The following LOXL2 variants were observed in gnomAD, a reference collection of about 807,000 sequenced individuals.
LOXL2 encodes the protein lysyl oxidase homolog 2.
LOXL2 carries 70 observed loss-of-function variants against 93.0 expected under a neutral mutation model. The observed-to-expected ratio is 0.75, with a 90% confidence interval of 0.62 to 0.92. The LOEUF (loss-of-function observed/expected upper bound fraction) is 0.92, where lower values mean the gene tolerates loss of function less well. Among genes scored for constraint, LOXL2 ranks in the 40% least tolerant of loss-of-function variants. LOXL2 has a pLI of 0.00. For synonymous variants in LOXL2, 438 were observed against 413.2 expected (o/e 1.06, Z -0.73); for missense variants, 973 against 1,054.9 (o/e 0.92, Z 1.08).
In LOXL2 at chr8:23,368,156, T is replaced by G; in HGVS notation, c.196A>C (p.Lys66Gln). ...ACCTCCACCCGGCCCTCGCTGTGCT[T>G]CCTCTTCTGCCCAGCCAGGCGCAGC... is the stretch of plus-strand genomic sequence containing the variant. ...IQLRLAGQKR[K>Q]HSEGRVEVYY... Residue 66 changes from lysine (K) to glutamine (Q), a missense_variant, in exon 2 of 14, where the codon AAG becomes CAG. Coordinates refer to ENST00000389131, the MANE Select transcript of LOXL2 (RefSeq NM_002318.3). 3.7e-6 allele frequency: 6 copies of G among 1,614,084 alleles called. No homozygotes were observed. The highest frequency in any genetic ancestry group is 5.1e-6 in the Non-Finnish European group (6 of 1,180,022).
intron 4 of LOXL2, among the ~76,000 whole-genome samples, chr8:23,339,246 C>G (rs1803842383): frequency 6.6e-6 from 1 of 152,192 alleles, no homozygotes; most frequent in Non-Finnish European, 1.5e-5. Context: ...GCAGCCCCAC[C>G]TCTCCAGCTA....
intron 2 of LOXL2, among the ~76,000 whole-genome samples, chr8:23,366,883 T>A (rs1804409957): frequency 1.3e-5 from 2 of 152,190 alleles, no homozygotes; most frequent in Non-Finnish European, 2.9e-5. Flanking sequence ...TGTCAGGGTT[T>A]CAGGGGTTCT....
At chr8:23,383,792 C>T (rs1286439334) in intron 1 of LOXL2, among the ~76,000 whole-genome samples, 1 of 151,410 alleles carries the variant, frequency 6.6e-6, no homozygotes, top group Non-Finnish European at 1.5e-5. Flanking sequence ...TCCCGAGTAG[C>T]TGGGACTACA....
At chr8:23,299,917 G>A (rs550161939) in intron 12 of LOXL2, among the ~76,000 whole-genome samples, 1 of 152,376 alleles carries the variant, frequency 6.6e-6, no homozygotes, top group African/African-American at 2.4e-5. Flanking sequence ...GGCCCAGCGG[G>A]GCTGTTCTGG....
chr8:23,403,058 A>C (rs1800172452), intron 1 of LOXL2, among the ~76,000 whole-genome samples: 1 of 151,872 alleles, frequency 6.6e-6, no homozygotes, highest in African/African-American at 2.4e-5. Context: ...AATCATCTCT[A>C]TTCCAGCGCT....
chr8:23,355,355 T>C (rs1804177548), intron 3 of LOXL2, among the ~76,000 whole-genome samples: 1 of 152,036 alleles, frequency 6.6e-6, no homozygotes, highest in Non-Finnish European at 1.5e-5. Flanking sequence ...CATTTCCTCA[T>C]GATATGGTTT....
At chr8:23,316,672 T>C in intron 9 of LOXL2, 1 of 422,928 alleles carries the variant, frequency 2.4e-6, no homozygotes, top group Non-Finnish European at 4.1e-6. Context: ...TCATGTAGTC[T>C]GCCCTGGGTC....
At chr8:23,360,295 G>C (rs1804269215) in intron 2 of LOXL2, 30 bp from the exon 3 acceptor site, 1 of 1,551,098 alleles carries the variant, frequency 6.4e-7, no homozygotes, top group African/African-American at 1.4e-5. Flanking sequence ...GAGAAACCAA[G>C]TGCTGCGTCA....
chr8:23,313,341 C>A (rs1352224785), intron 9 of LOXL2, among the ~76,000 whole-genome samples: 1 of 152,088 alleles, frequency 6.6e-6, no homozygotes, highest in Non-Finnish European at 1.5e-5. Flanking sequence ...ATCACCAAGT[C>A]AATCGTAAGC....
chr8:23,385,539 C>A (rs183377041), intron 1 of LOXL2, among the ~76,000 whole-genome samples: 386 of 152,060 alleles, frequency 2.5e-3, no homozygotes, highest in African/African-American at 7.7e-3. Flanking sequence ...GGATTACAGG[C>A]ATGAGCCACT....
At chr8:23,307,591 C>A (rs996648303) in intron 10 of LOXL2, among the ~76,000 whole-genome samples, 3 of 152,142 alleles carry the variant, frequency 2.0e-5, no homozygotes, top group Admixed American at 6.5e-5. Flanking sequence ...CAGGGAGGTT[C>A]CTACCATGTA....
chr8:23,305,825 T>G (rs906592476), intron 10 of LOXL2, among the ~76,000 whole-genome samples: 2 of 151,956 alleles, frequency 1.3e-5, no homozygotes, highest in African/African-American at 2.4e-5. Flanking sequence ...TTTTGTTTTT[T>G]TTTTGAGATG....
At chr8:23,310,890 AAGCTT>A (rs1803311015) in intron 9 of LOXL2, among the ~76,000 whole-genome samples, 1 of 152,264 alleles carries the variant, frequency 6.6e-6, no homozygotes, top group African/African-American at 2.4e-5. Flanking sequence ...TTGTATTAGA[AAGCTT>A]AGCTTCTTTG....
At chr8:23,301,407 G>A (rs1412268655) in intron 12 of LOXL2, among the ~76,000 whole-genome samples, 1 of 152,294 alleles carries the variant, frequency 6.6e-6, no homozygotes, top group Admixed American at 6.5e-5. Context: ...CTTCCACCCA[G>A]AGTATGTGGA....
Position 23,309,688 on chromosome 8 carries a change from C to T in LOXL2, c.1860G>A (p.Trp620Ter), listed in dbSNP as rs1803290894. The T allele has an allele frequency of 6.6e-7, 1 of 1,506,996 alleles. No homozygotes were observed. The highest frequency in any genetic ancestry group is 1.3e-5 in the South Asian group (1 of 76,064). The allele number at this position is 1,506,996 out of a possible 1,614,324, so 93.4% of individuals were successfully genotyped here. ...DFRPKNGRHAWIWHDCHRHYH... is the reference protein window; with the variant it reads ...DFRPKNGRHA Reference sequence around the variant, plus strand: ...CCTACCTGTGACAGTCGTGCCAGATCCACGCGTGGCGGCCGTTCTTGGGCC... The same window carrying T: ...CCTACCTGTGACAGTCGTGCCAGATTCACGCGTGGCGGCCGTTCTTGGGCC... The change falls in exon 10 of 14, where the codon TGG (tryptophan) becomes TGA (stop). Residue 620 changes from tryptophan (W) to a stop codon, truncating the protein, a stop_gained. Transcript: ENST00000389131. LOFTEE classifies it high-confidence loss of function.
intron 1 of LOXL2, among the ~76,000 whole-genome samples, chr8:23,389,768 A>T (rs2117234769): frequency 6.6e-6 from 1 of 152,300 alleles, no homozygotes; most frequent in African/African-American, 2.4e-5. Context: ...ACTCTCACAA[A>T]GCAGGCTTCA....
intron 3 of LOXL2, among the ~76,000 whole-genome samples, chr8:23,352,993 AGGTGGGGTGG>A (rs1295878321): frequency 3.4e-4 from 6 of 17,632 alleles, no homozygotes; most frequent in Non-Finnish European, 5.6e-4. Context: ...GTAAGGAAGG[AGGTGGGGTGG>A]GGTGGGGAGG....
At chr8:23,319,420 A>C (rs1803457035) in intron 8 of LOXL2, among the ~76,000 whole-genome samples, 1 of 147,750 alleles carries the variant, frequency 6.8e-6, no homozygotes, top group South Asian at 2.1e-4. Context: ...AGAATGCATT[A>C]GGCACAGATG....
chr8:23,403,309 G>A (rs543140801), intron 1 of LOXL2, among the ~76,000 whole-genome samples: 2 of 152,274 alleles, frequency 1.3e-5, no homozygotes, highest in East Asian at 1.9e-4. Context: ...GAGAGGCAGG[G>A]CGACTTGGGA....
Sources: gnomAD v4.1 joint callset for allele counts (sites outside exome capture counted in the v4.1 genomes callset) on GRCh38, gnomAD v4.1.1 for gene constraint, MANE v1.5 for transcripts, NCBI Gene and HGNC (gene_info 2026-07-23, HGNC 2026-07-21) for gene names.